Variants in ANKS1B observed in about 807,000 individuals in gnomAD.
ANKS1B encodes ankyrin repeat and sterile alpha motif domain containing 1B.
Under a neutral mutation model 148.3 loss-of-function variants are expected in ANKS1B, and 36 were observed. The observed-to-expected ratio is 0.24, with a 90% CI of 0.19 to 0.32. The LOEUF is 0.32. Among genes scored for constraint, ANKS1B ranks in the 10% least tolerant of loss-of-function variants. The pLI is 1.00. For synonymous variants in ANKS1B, 542 were observed against 560.8 expected (o/e 0.97, Z 0.47); for missense variants, 1,157 against 1,542.6 (o/e 0.75, Z 4.19).
chr12:98,943,846 T>A (rs2099840852), intron 17 of ANKS1B, among the ~76,000 whole-genome samples: 1 of 152,246 alleles, frequency 6.6e-6, no homozygotes, highest in African/African-American at 2.4e-5. Context: ...GATGTTTGAC[T>A]ACTCCAAATC....
chr12:99,387,014 A>G (rs1051026795), intron 12 of ANKS1B, among the ~76,000 whole-genome samples: 11 of 152,224 alleles, frequency 7.2e-5, no homozygotes, highest in Admixed American at 6.5e-4. Flanking sequence ...CATGCTGGAC[A>G]CTGTGGATAC....
chr12:99,117,910 C>T (rs1273103156), intron 15 of ANKS1B, among the ~76,000 whole-genome samples: 1 of 152,162 alleles, frequency 6.6e-6, no homozygotes, highest in Non-Finnish European at 1.5e-5. Flanking sequence ...TCAACTTCTT[C>T]CTGGTTTAGT....
At chr12:99,167,495 A>G (rs578038100) in intron 14 of ANKS1B, among the ~76,000 whole-genome samples, 2 of 152,338 alleles carry the variant, frequency 1.3e-5, no homozygotes, top group South Asian at 2.1e-4. Context: ...ATCACTAGCC[A>G]TTAGGAAAAT....
intron 10 of ANKS1B, among the ~76,000 whole-genome samples, chr12:99,499,842 T>G (rs1359596850): frequency 6.6e-6 from 1 of 151,550 alleles, no homozygotes; most frequent in East Asian, 1.9e-4. Context: ...TGTTATGCAG[T>G]GACAATAACC....
chr12:99,328,500 G>A (rs1196768231), intron 12 of ANKS1B, among the ~76,000 whole-genome samples: 1 of 151,924 alleles, frequency 6.6e-6, no homozygotes, highest in African/African-American at 2.4e-5. Context: ...GAATTAGGTG[G>A]AGTACACAGA....
chr12:98,831,857 T>C (rs978298500), intron 18 of ANKS1B, 172 bp downstream of exon 18: 50 of 646,100 alleles, frequency 7.7e-5, no homozygotes, highest in South Asian at 7.2e-4. Context: ...TCAAGTGATT[T>C]TCATGTCTCA....
chr12:99,720,419 C>A (rs2057956360), intron 8 of ANKS1B, among the ~76,000 whole-genome samples: 1 of 152,194 alleles, frequency 6.6e-6, no homozygotes, highest in African/African-American at 2.4e-5. Flanking sequence ...GCCTTCCCAC[C>A]TCTATACAGT....
chr12:99,385,032 T>C (rs1443800169), intron 12 of ANKS1B, among the ~76,000 whole-genome samples: 1 of 150,554 alleles, frequency 6.6e-6, no homozygotes, highest in Non-Finnish European at 1.5e-5. Context: ...ATATTTAATT[T>C]ATAAACAGCA....
At chr12:98,860,776 A>G (rs114010436) in intron 17 of ANKS1B, among the ~76,000 whole-genome samples, 129 of 152,316 alleles carry the variant, frequency 8.5e-4, no homozygotes, top group African/African-American at 2.8e-3. Flanking sequence ...GTTGGGCTTA[A>G]TAACTAGGTG....
At chr12:99,563,378 T>G (rs2153205198) in intron 9 of ANKS1B, among the ~76,000 whole-genome samples, 1 of 152,332 alleles carries the variant, frequency 6.6e-6, no homozygotes, top group Non-Finnish European at 1.5e-5. Flanking sequence ...TTCCTCTCAC[T>G]TGAACACTTA....
chr12:99,317,801 T>G (rs191804787), intron 12 of ANKS1B, among the ~76,000 whole-genome samples: 3 of 152,006 alleles, frequency 2.0e-5, no homozygotes, highest in Admixed American at 6.6e-5. Flanking sequence ...GGCTGTGGGT[T>G]TGTCATAAAT....
At chr12:99,500,318 C>T (rs924223130) in intron 10 of ANKS1B, among the ~76,000 whole-genome samples, 1 of 152,104 alleles carries the variant, frequency 6.6e-6, no homozygotes, top group Non-Finnish European at 1.5e-5. Flanking sequence ...TTTGGGGATG[C>T]TTGCTCTCAG....
At chr12:99,850,934 T>C (rs2087721362) in intron 1 of ANKS1B, among the ~76,000 whole-genome samples, 1 of 152,008 alleles carries the variant, frequency 6.6e-6, no homozygotes, top group South Asian at 2.1e-4. Context: ...ACAAGAGAAA[T>C]TCAATAACAT....
chr12:99,725,732 A>G (rs535962531), intron 8 of ANKS1B, among the ~76,000 whole-genome samples: 45 of 152,294 alleles, frequency 3.0e-4, no homozygotes, highest in African/African-American at 9.9e-4. Flanking sequence ...TTTATTCTCA[A>G]ATTGACCACA....
intron 12 of ANKS1B, among the ~76,000 whole-genome samples, chr12:99,375,331 A>G (rs1306153608): frequency 6.6e-6 from 1 of 152,134 alleles, no homozygotes; most frequent in Non-Finnish European, 1.5e-5. Flanking sequence ...GTTGAGAACC[A>G]CTGGTGTATA....
chr12:99,960,039 A>G (rs2095387553), intron 1 of ANKS1B, among the ~76,000 whole-genome samples: 1 of 152,230 alleles, frequency 6.6e-6, no homozygotes, highest in East Asian at 1.9e-4. Context: ...TCTGGAAAAC[A>G]GCCAAAATGA....
chr12:99,616,960 C>A (rs553852902), intron 9 of ANKS1B, among the ~76,000 whole-genome samples: 1 of 151,896 alleles, frequency 6.6e-6, no homozygotes, highest in Non-Finnish European at 1.5e-5. Flanking sequence ...AAACAAACAA[C>A]CCCATCAAAA....
intron 22 of ANKS1B, among the ~76,000 whole-genome samples, chr12:98,786,218 T>C (rs2153534370): frequency 1.3e-5 from 2 of 152,354 alleles, no homozygotes; most frequent in East Asian, 3.9e-4. Flanking sequence ...CCAAGAGAAA[T>C]GATATTTAGT....
intron 12 of ANKS1B, among the ~76,000 whole-genome samples, chr12:99,325,624 A>G (rs2086163532): frequency 6.6e-6 from 1 of 152,178 alleles, no homozygotes; most frequent in Admixed American, 6.6e-5. Flanking sequence ...CAAACTATAC[A>G]CTTGATGGTT....
Sources: allele counts gnomAD v4.1 joint callset (sites outside exome capture counted in the v4.1 genomes callset), GRCh38; gene constraint gnomAD v4.1.1; transcripts MANE v1.5; gene names NCBI Gene and HGNC (gene_info 2026-07-23, HGNC 2026-07-21).